Variants in THADA observed in about 807,000 individuals in gnomAD.
THADA encodes THADA armadillo repeat containing.
Under a neutral mutation model 219.8 loss-of-function variants are expected in THADA, and 213 were observed. The observed-to-expected ratio is 0.97, with a 90% CI of 0.87 to 1.09. The LOEUF (loss-of-function observed/expected upper bound fraction) is 1.09, where lower values mean the gene tolerates loss of function less well. Among genes scored for constraint, THADA ranks in the 50% least tolerant of loss-of-function variants. The pLI, the probability that THADA is intolerant of heterozygous loss-of-function variation, is 0.00. For missense variants in THADA, 2,956 were observed against 2,311.3 expected (o/e 1.28, Z -5.72); for synonymous variants, 1,018 against 828.9 (o/e 1.23, Z -3.92).
rs756515008 is a variant in THADA at position 43,552,003 on chromosome 2, G to A, written c.2811-78C>T. The A allele has an allele frequency of 1.0e-5, 16 of 1,568,754 alleles. No homozygotes were observed. In the East Asian group the frequency reaches 2.3e-4, roughly 22 times the overall value. ...AAAATGAAAATTAGATAAAAGGATT[G>A]ACTTTGTGTTTCAAAATTGTTCAAT... On this transcript the variant is annotated intron_variant, in intron 18 of 37. Coordinates refer to ENST00000405975, the MANE Select transcript of THADA (RefSeq NM_022065.5).
chr2:43,339,691 A>G (rs1402534964), intron 30 of THADA, among the ~76,000 whole-genome samples: 3 of 152,256 alleles, frequency 2.0e-5, no homozygotes, highest in African/African-American at 4.8e-5. Context: ...AGGAGAAACT[A>G]GATAGCCAAA....
intron 30 of THADA, among the ~76,000 whole-genome samples, chr2:43,336,561 T>G (rs982776691): frequency 6.6e-6 from 1 of 152,038 alleles, no homozygotes; most frequent in Non-Finnish European, 1.5e-5. Context: ...TATGAGCCAC[T>G]GCACTCGTCC....
chr2:43,232,815 C>A lies in THADA; in HGVS notation c.5364G>T (p.Leu1788=), dbSNP rs779742169. Residue 1788 remains leucine (L), a synonymous_variant, in exon 37 of 38, where the codon CTG becomes CTT. Coordinates refer to ENST00000405975, the MANE Select transcript of THADA (RefSeq NM_022065.5). ...GGGCCAACTGGTCCCACTGCTGGAG[C>A]AGATCACACAGGACGGCCAGGGCCA... ...LALALAVLCD[L]LQQWDQLAPG... 6.2e-7 allele frequency: 1 copy of A among 1,613,040 alleles called. No homozygotes were observed. Among genetic ancestry groups the A allele is most frequent in the African/African-American group, 1.3e-5 (1 of 74,918 alleles).
Position 43,586,982 on chromosome 2 carries a change from T to C in THADA, c.323A>G (p.Asp108Gly), listed in dbSNP as rs751425959. 46 of 1,613,138 alleles carry C rather than the reference T, an allele frequency of 2.9e-5. No homozygotes were observed. The highest frequency in any genetic ancestry group is 1.0e-4 in the Admixed American group (6 of 59,864). Residue 108 changes from aspartate to glycine, a missense_variant, in exon 5 of 38, where the codon GAT becomes GGT. Transcript: ENST00000405975. ...GTGCATAGCCTCAGGTAGAAAAAAA[T>C]CAGGCAGGCTATTTAGTGAGCTAGA... ...VLASSLNSLP[D>G]FFLPEAMHRF...
In THADA at chr2:43,593,052, G is replaced by A. The variant is rs547801444; in HGVS notation, c.-24-636C>T. Among the ~76,000 whole-genome samples, 5 of 152,238 alleles carry A rather than the reference G, an allele frequency of 3.3e-5. No individual in the cohort carries two copies. The East Asian group carries it at 9.6e-4, about 29-fold the overall frequency. On this transcript the variant is annotated intron_variant, in intron 1 of 37. Coordinates refer to ENST00000405975, the MANE Select transcript of THADA (RefSeq NM_022065.5). ...ATGCCATCTGGAAAGAAGTTGCTAG[G>A]GAAATGTCATAGGGCTCTTCTCTTG...
At chr2:43,287,381 G>C (rs1368237366) in intron 34 of THADA, among the ~76,000 whole-genome samples, 1 of 152,036 alleles carries the variant, frequency 6.6e-6, no homozygotes, top group African/African-American at 2.4e-5. Context: ...TGCAACCTCT[G>C]CCTCCTGGGT....
At chr2:43,454,476 C>T (rs1307266850) in intron 26 of THADA, among the ~76,000 whole-genome samples, 1 of 151,970 alleles carries the variant, frequency 6.6e-6, no homozygotes, top group Non-Finnish European at 1.5e-5. Flanking sequence ...TTGGTGTGAG[C>T]CTGTAGTCCC....
chr2:43,290,272 G>GT lies in THADA; in HGVS notation c.5010+1423dup, dbSNP rs796665720. Among the ~76,000 whole-genome samples the GT allele has an allele frequency of 8.8e-3, 1,276 of 144,944 alleles. 8 individuals carry two copies. Among genetic ancestry groups the GT allele is most frequent in the South Asian group, 0.015 (69 of 4,582 alleles). ...CAGGTGTGAACCACCATGTCTGGCC[G>GT]TTTTTTTTTTTCCCCTTCCTGGGCT... On this transcript the variant is annotated intron_variant, in intron 34 of 37. Transcript: ENST00000405975.
chr2:43,570,278 A>C (rs1699146028), intron 14 of THADA, 110 bp downstream of exon 14: 2 of 1,150,512 alleles, frequency 1.7e-6, no homozygotes, highest in African/African-American at 3.2e-5. Flanking sequence ...AAGGAAAAAA[A>C]CACAGAAACA....
chr2:43,359,993 T>C (rs1264330502), intron 29 of THADA, among the ~76,000 whole-genome samples: 1 of 151,874 alleles, frequency 6.6e-6, no homozygotes, highest in East Asian at 1.9e-4. Flanking sequence ...GGTATTAAAA[T>C]AATCAACCTA....
At chr2:43,460,927 G>A (rs897792690) in intron 26 of THADA, among the ~76,000 whole-genome samples, 1 of 152,158 alleles carries the variant, frequency 6.6e-6, no homozygotes, top group African/African-American at 2.4e-5. Context: ...GAACAGTTAG[G>A]ATTCACCTGT....
At chr2:43,327,496 A>G (rs915523996) in intron 30 of THADA, among the ~76,000 whole-genome samples, 1 of 151,768 alleles carries the variant, frequency 6.6e-6, no homozygotes, top group Non-Finnish European at 1.5e-5. Context: ...TGGTTAGAAG[A>G]ATGGGAGAGG....
chr2:43,323,179 T>C (rs927365572), intron 30 of THADA, among the ~76,000 whole-genome samples: 12 of 152,106 alleles, frequency 7.9e-5, no homozygotes, highest in African/African-American at 2.7e-4. Context: ...TCTTTCTCTG[T>C]TGCTCAGGCT....
chr2:43,489,349 C>T (rs1193227907), intron 25 of THADA, among the ~76,000 whole-genome samples: 1 of 152,064 alleles, frequency 6.6e-6, no homozygotes, highest in African/African-American at 2.4e-5. Context: ...CCCAGCCAGA[C>T]ATTTTTAATT....
chr2:43,557,556 C>T (rs947005726), intron 16 of THADA, among the ~76,000 whole-genome samples: 1 of 152,214 alleles, frequency 6.6e-6, no homozygotes, highest in Non-Finnish European at 1.5e-5. Context: ...GCTCCCACAC[C>T]TATATCTCAC....
At chr2:43,274,715 G>A (rs1478527865) in intron 36 of THADA, among the ~76,000 whole-genome samples, 1 of 152,038 alleles carries the variant, frequency 6.6e-6, no homozygotes, top group Non-Finnish European at 1.5e-5. Flanking sequence ...GACTTTTTGT[G>A]GGCAAGGGGC....
chr2:43,280,027 G>C, intron 35 of THADA, 131 bp from the exon 36 acceptor site: 1 of 931,232 alleles, frequency 1.1e-6, no homozygotes, highest in East Asian at 3.2e-5. Context: ...TCTGGGTATT[G>C]TTAAGATAGA....
chr2:43,558,320 A>G lies in THADA; in HGVS notation c.2464-1765T>C, dbSNP rs190994566. 7.0e-3 allele frequency among the ~76,000 whole-genome samples: 1,064 copies of G among 152,288 alleles called. 6 individuals carry two copies. Among genetic ancestry groups the G allele is most frequent in the South Asian group, 7.9e-3 (38 of 4,834 alleles). On this transcript the variant is annotated intron_variant, in intron 16 of 37. Coordinates refer to ENST00000405975, the MANE Select transcript of THADA (RefSeq NM_022065.5). ...CACTTAACTGTATTAAAAATTAATTATATATTATATAAGGGACACCCAAAG... is the reference window on the plus strand; with the variant it reads ...CACTTAACTGTATTAAAAATTAATTGTATATTATATAAGGGACACCCAAAG...
At chr2:43,583,590 C>A (rs1278269912) in intron 7 of THADA, among the ~76,000 whole-genome samples, 1 of 152,172 alleles carries the variant, frequency 6.6e-6, no homozygotes, top group Admixed American at 6.5e-5. Context: ...AAAGCAGAGA[C>A]TCAAAGATAT....
Sources: gnomAD v4.1 joint callset for allele counts (sites outside exome capture counted in the v4.1 genomes callset) on GRCh38, gnomAD v4.1.1 for gene constraint, MANE v1.5 for transcripts, NCBI Gene and HGNC (gene_info 2026-07-23, HGNC 2026-07-21) for gene names.